The following PTPRT variants were observed in gnomAD, a reference collection of about 807,000 sequenced individuals.
The protein encoded by PTPRT is receptor-type tyrosine-protein phosphatase T.
PTPRT carries 56 observed loss-of-function variants against 176.8 expected under a neutral mutation model. The ratio of observed to expected loss-of-function variants is 0.32; its 90% CI spans 0.26 to 0.40. The LOEUF (loss-of-function observed/expected upper bound fraction) is 0.40. Ranked by LOEUF, PTPRT falls within the 10% of genes least tolerant of loss-of-function variation. The probability of loss-of-function intolerance (pLI) is 1.00; values close to 1 mark genes in which losing one functional copy is unlikely to be tolerated. For missense variants in PTPRT, 1,540 were observed against 1,908.2 expected, an observed-to-expected ratio of 0.81 and a Z score of 3.60; for synonymous variants, 783 against 739.0, an observed-to-expected ratio of 1.06 and a Z score of -0.96.
chr20:42,713,319 AC>A (rs1023836687), intron 6 of PTPRT, among the ~76,000 whole-genome samples: 3 of 152,288 alleles, frequency 2.0e-5, no homozygotes, highest in Non-Finnish European at 4.4e-5. Flanking sequence ...AAAATGAGTA[AC>A]ATTGCAATAT....
chr20:42,194,005 G>C (rs1991101669), intron 16 of PTPRT, among the ~76,000 whole-genome samples: 1 of 152,128 alleles, frequency 6.6e-6, no homozygotes, highest in East Asian at 1.9e-4. Context: ...TTTGGGCCAT[G>C]AAAGCTCTCT....
intron 9 of PTPRT, among the ~76,000 whole-genome samples, chr20:42,435,141 AGT>A (rs34354625): frequency 2.0e-5 from 3 of 151,542 alleles, no homozygotes; most frequent in African/African-American, 4.9e-5. Context: ...TATATATAGG[AGT>A]GTGTGTGTGT....
At chr20:42,447,066 T>A (rs2070746761) in intron 9 of PTPRT, among the ~76,000 whole-genome samples, 1 of 152,194 alleles carries the variant, frequency 6.6e-6, no homozygotes, top group African/African-American at 2.4e-5. Flanking sequence ...GTTAGATTAA[T>A]CTTGAGTACT....
intron 2 of PTPRT, among the ~76,000 whole-genome samples, chr20:42,849,475 T>C (rs2078433250): frequency 6.6e-6 from 1 of 152,182 alleles, no homozygotes; most frequent in Non-Finnish European, 1.5e-5. Flanking sequence ...GCAGGCACTG[T>C]CCAGTGGTTT....
At chr20:42,745,118 G>GC (rs1441205168) in intron 6 of PTPRT, among the ~76,000 whole-genome samples, 2 of 152,200 alleles carry the variant, frequency 1.3e-5, no homozygotes, top group Middle Eastern at 3.2e-3. Context: ...CAGAGGGAAG[G>GC]CCAAGCATCA....
intron 1 of PTPRT, among the ~76,000 whole-genome samples, chr20:43,162,834 G>A (rs1396352571): frequency 6.6e-6 from 1 of 152,214 alleles, no homozygotes; most frequent in African/African-American, 2.4e-5. Flanking sequence ...TCATAGCCAA[G>A]CATCATTTCC....
In PTPRT at chr20:42,085,621, G is replaced by A. The variant is rs925649716; in HGVS notation, c.3972+107C>T. 6.1e-6 allele frequency: 9 copies of A among 1,482,744 alleles called. 1 individual carries two copies. Among genetic ancestry groups the A allele is most frequent in the South Asian group, 2.5e-5 (2 of 78,966 alleles). 91.8% of individuals were successfully genotyped at this position (1,482,744 alleles called of 1,614,324 possible). On this transcript the variant is annotated intron_variant, in intron 28 of 30. Coordinates refer to ENST00000373187, the MANE Select transcript of PTPRT (RefSeq NM_007050.6). ...ACTTCCTCAAGGAAGAAATTATCAG[G>A]AGAGCACAACACAGACTCTTGGCTG...
chr20:42,194,620 C>G (rs1411449937), intron 16 of PTPRT, among the ~76,000 whole-genome samples: 1 of 152,050 alleles, frequency 6.6e-6, no homozygotes, highest in Admixed American at 6.5e-5. Context: ...AGAAAATGAT[C>G]CCAGTGAGCA....
intron 6 of PTPRT, among the ~76,000 whole-genome samples, chr20:42,685,024 T>C (rs1170666809): frequency 1.3e-5 from 2 of 152,126 alleles, no homozygotes. Context: ...AGTCAAACAG[T>C]TAGTCATTCA....
chr20:43,185,754 G>A (rs2015374511), intron 1 of PTPRT, among the ~76,000 whole-genome samples: 1 of 152,082 alleles, frequency 6.6e-6, no homozygotes, highest in Non-Finnish European at 1.5e-5. Flanking sequence ...CCAACATGGT[G>A]AAACCCCGTC....
rs549445574 is a variant in PTPRT, at chr20:42,481,206, A to G, written c.1154-8644T>C. ...AAATGTTTATTTACAAAAAGCTAGA[A>G]CCTTAGGCTATAGCATGCTTACTCT... is the stretch of plus-strand genomic sequence containing the variant. On this transcript the variant is annotated intron_variant, in intron 7 of 30. Coordinates refer to ENST00000373187, the MANE Select transcript of PTPRT (RefSeq NM_007050.6). Among the ~76,000 whole-genome samples the G allele has an allele frequency of 3.3e-5, 5 of 152,252 alleles. No homozygotes were observed. The South Asian group carries it at 1.0e-3, about 32-fold the overall frequency.
At chr20:42,047,516 G>C in the PTPRT span, among the ~76,000 whole-genome samples, 70 of 152,260 alleles carry the variant, frequency 4.6e-4, no homozygotes, top group African/African-American at 1.6e-3. Context: ...TGATGAATTG[G>C]CCTTCCATGC....
At chr20:43,046,515 G>A (rs1187505814) in intron 1 of PTPRT, among the ~76,000 whole-genome samples, 1 of 151,080 alleles carries the variant, frequency 6.6e-6, no homozygotes, top group African/African-American at 2.5e-5. Context: ...CTTGCAGTGA[G>A]CCTGGGTAAC....
At chr20:42,763,511 T>C (rs2076944500) in intron 5 of PTPRT, among the ~76,000 whole-genome samples, 2 of 152,116 alleles carry the variant, frequency 1.3e-5, no homozygotes, top group African/African-American at 4.8e-5. Flanking sequence ...CAAAATAAAA[T>C]TAGGCCCAGC....
At chr20:42,188,843 C>A (rs1190828050) in intron 16 of PTPRT, among the ~76,000 whole-genome samples, 1 of 152,184 alleles carries the variant, frequency 6.6e-6, no homozygotes, top group Non-Finnish European at 1.5e-5. Flanking sequence ...AGCCTTGTAA[C>A]TTTACTGAGG....
chr20:42,537,974 TG>T (rs2072506148), intron 7 of PTPRT, among the ~76,000 whole-genome samples: 1 of 152,150 alleles, frequency 6.6e-6, no homozygotes, highest in Admixed American at 6.5e-5. Context: ...ATAGTAATAA[TG>T]AAGATAGTTA....
intron 9 of PTPRT, among the ~76,000 whole-genome samples, chr20:42,440,706 T>C (rs1186975944): frequency 6.6e-6 from 1 of 152,152 alleles, no homozygotes; most frequent in African/African-American, 2.4e-5. Context: ...CTCGATCTCC[T>C]GACCTCATGA....
At chr20:42,638,490 C>G (rs1030182800) in intron 7 of PTPRT, among the ~76,000 whole-genome samples, 3 of 151,984 alleles carry the variant, frequency 2.0e-5, no homozygotes, top group African/African-American at 7.3e-5. Flanking sequence ...TCATATTATT[C>G]AAGTCTAAAG....
At chr20:42,874,099 G>A (rs1344907397) in intron 2 of PTPRT, among the ~76,000 whole-genome samples, 1 of 152,120 alleles carries the variant, frequency 6.6e-6, no homozygotes, top group South Asian at 2.1e-4. Context: ...CGAAGACATC[G>A]CCTAGCATCA....
Sources: gnomAD v4.1 joint callset for allele counts (sites outside exome capture counted in the v4.1 genomes callset) on GRCh38, gnomAD v4.1.1 for gene constraint, MANE v1.5 for transcripts, NCBI Gene and HGNC (gene_info 2026-07-23, HGNC 2026-07-21) for gene names.